The following VWF variants were observed in gnomAD, a reference collection of about 807,000 sequenced individuals.
VWF encodes the protein Factor VIII related antigen.
A neutral mutation model predicts 308.6 loss-of-function variants in VWF; 176 were observed. The ratio of observed to expected loss-of-function variants is 0.57; its 90% CI spans 0.50 to 0.65. VWF has a LOEUF of 0.65. VWF is among the 30% of genes least tolerant of loss of function. The pLI, the probability that VWF is intolerant of heterozygous loss-of-function variation, is 0.00. For synonymous variants in VWF, 1,385 were observed against 1,443.4 expected (o/e 0.96, Z 0.92); for missense variants, 3,146 against 3,648.2 (o/e 0.86, Z 3.55).
rs748622872 is a variant in VWF, at chr12:5,967,489, G to C, written c.7884C>G (p.Pro2628=). The change falls in exon 47 of 52, where the codon CCC becomes CCG. Residue 2628 remains proline (P), a synonymous_variant. Coordinates refer to ENST00000261405, the MANE Select transcript of VWF (RefSeq NM_000552.5). ...GTCCCCATTGAGCCTCTCTTACCAG[G>C]GGGCAGGGGTTGCAGGTGGTCTTCC... is the stretch of plus-strand genomic sequence containing the variant. ...ECRKTTCNPC[P]LGYKEENNTG... The C allele has an allele frequency of 5.6e-6, 9 of 1,614,066 alleles. No individual in the cohort carries two copies. In the East Asian group the frequency reaches 2.0e-4, roughly 36 times the overall value.
rs56714638 is a variant in VWF, at chr12:6,113,297, CTT to C, written c.221-2331_221-2330del. ...CTGGAAAAGTGATTGCGTAGAGAAA[CTT>C]TTTTTTTTTTTTTTTTGAGACAGAG... On this transcript the variant is annotated intron_variant, in intron 3 of 51. Transcript: ENST00000261405. 5.6e-3 allele frequency among the ~76,000 whole-genome samples: 783 copies of C among 138,696 alleles called. 5 individuals carry two copies. The highest frequency in any genetic ancestry group is 0.019 in the African/African-American group (718 of 37,270). The allele number at this position is 138,696 out of a possible 152,430, so 91.0% of individuals were successfully genotyped here. A position where few individuals can be genotyped will look rare whatever the true frequency, so the allele number is the denominator to read the frequency against.
intron 43 of VWF, among the ~76,000 whole-genome samples, chr12:5,974,349 G>A (rs545963935): frequency 7.2e-5 from 11 of 152,172 alleles, no homozygotes; most frequent in Admixed American, 2.6e-4. Context: ...CAGGGCACTC[G>A]ATTCCCTAGA....
At chr12:6,043,852 G>A (rs941756503) in intron 18 of VWF, among the ~76,000 whole-genome samples, 31 of 152,182 alleles carry the variant, frequency 2.0e-4, no homozygotes, top group Non-Finnish European at 8.8e-5. Context: ...GACACGGCAG[G>A]GCCATCAATG....
At chr12:5,971,811 G>A in intron 43 of VWF, 102 bp from the exon 44 acceptor site, 1 of 1,028,468 alleles carries the variant, frequency 9.7e-7, no homozygotes, top group African/African-American at 1.6e-5. Flanking sequence ...TGTGCCAAGT[G>A]ATCACTGGTC....
At chr12:6,076,501 G>A (rs911698173) in intron 6 of VWF, among the ~76,000 whole-genome samples, 3 of 152,180 alleles carry the variant, frequency 2.0e-5, no homozygotes, top group African/African-American at 4.8e-5. Context: ...ACAACACAGA[G>A]TCATGGATAT....
In VWF at chr12:5,993,914, G is replaced by T. The variant is rs1943775012; in HGVS notation, c.6546C>A (p.His2182Gln). 1.2e-6 allele frequency: 2 copies of T among 1,613,998 alleles called. No individual in the cohort carries two copies. The highest frequency in any genetic ancestry group is 4.5e-5 in the East Asian group (2 of 44,874). ...CGCAGACCCCGTTGGTCCGACAGAGGTGGGCATAAGAGGCGATCACCTCAC... is the reference window on the plus strand; with the variant it reads ...CGCAGACCCCGTTGGTCCGACAGAGTTGGGCATAAGAGGCGATCACCTCAC... ...QVCEVIASYA[H>Q]LCRTNGVCVD... The change falls in exon 37 of 52, where the codon CAC becomes CAA. Residue 2182 changes from histidine (H) to glutamine (Q), a missense_variant. Physicochemically the swap from His to Gln is conservative, Grantham distance 24 (BLOSUM62 0). Coordinates refer to ENST00000261405, the MANE Select transcript of VWF (RefSeq NM_000552.5).
Position 6,057,885 on chromosome 12 carries a change from G to C in VWF, c.1693C>G (p.Gln565Glu), listed in dbSNP as rs750364485. The part of the protein sequence containing the change: ...LHGDCQDLQK[Q>E]HSDPCALNPR... ...TTGAGGGCGCAGGGATCGCTGTGCT[G>C]CTTCTGCAGGTCCTGGCAGTCCCCG... The change falls in exon 14 of 52, where the codon CAG becomes GAG. Residue 565 changes from glutamine to glutamate, a missense_variant. By Grantham distance (29) the Gln-to-Glu change is conservative. This residue lies in a region of VWF where 1,304 missense variants were observed against 1,353.0 expected (regional missense o/e 0.96). Transcript: ENST00000261405. 1 of 1,611,786 alleles carries C rather than the reference G, an allele frequency of 6.2e-7. No individual in the cohort carries two copies. Among genetic ancestry groups the C allele is most frequent in the Non-Finnish European group, 8.5e-7 (1 of 1,178,850 alleles).
intron 3 of VWF, among the ~76,000 whole-genome samples, chr12:6,114,051 A>G (rs1177716728): frequency 6.6e-6 from 1 of 152,138 alleles, no homozygotes; most frequent in African/African-American, 2.4e-5. Flanking sequence ...ATCCCATCTC[A>G]CAGGGAGTTC....
At chr12:5,965,996 T>A (rs1943397631) in intron 47 of VWF, among the ~76,000 whole-genome samples, 1 of 152,170 alleles carries the variant, frequency 6.6e-6, no homozygotes. Flanking sequence ...CATCTGAGAC[T>A]GGATTCTAAA....
intron 16 of VWF, among the ~76,000 whole-genome samples, chr12:6,050,633 G>A (rs1328354892): frequency 6.6e-6 from 1 of 152,184 alleles, no homozygotes; most frequent in Non-Finnish European, 1.5e-5. Context: ...TACACCTTGT[G>A]CGTTTAGTCC....
In VWF at chr12:6,016,484, C is replaced by G. The variant is rs1234784288; in HGVS notation, c.5311+32G>C. The G allele has an allele frequency of 6.2e-6, 10 of 1,606,972 alleles. No individual in the cohort carries two copies. The South Asian group carries it at 1.1e-4, about 18-fold the overall frequency. On this transcript the variant is annotated intron_variant, in intron 30 of 51. Coordinates refer to ENST00000261405, the MANE Select transcript of VWF (RefSeq NM_000552.5). ...GCCAAAAATAAGAACCAGAATGCAG[C>G]TTCTGCATCCAGCCTGTGGCACCAA...
intron 6 of VWF, among the ~76,000 whole-genome samples, chr12:6,078,499 G>T (rs2238104): frequency 0.35 from 52,882 of 152,110 alleles, 10,816 homozygotes; most frequent in Non-Finnish European, 0.46. Context: ...GCAGATGAGG[G>T]TGTCCCAGAG....
At chr12:6,033,053 C>A (rs1477678596) in intron 20 of VWF, among the ~76,000 whole-genome samples, 1 of 152,202 alleles carries the variant, frequency 6.6e-6, no homozygotes, top group Non-Finnish European at 1.5e-5. Flanking sequence ...CACACATGCA[C>A]ACATACATGC....
At chr12:6,067,479 ATT>A (rs919053123) in intron 10 of VWF, among the ~76,000 whole-genome samples, 2 of 152,168 alleles carry the variant, frequency 1.3e-5, no homozygotes, top group African/African-American at 2.4e-5. Flanking sequence ...GTCTCATCTG[ATT>A]TCCTTCTCTG....
chr12:5,986,986 G>A (rs374917136), intron 38 of VWF, among the ~76,000 whole-genome samples: 20 of 152,194 alleles, frequency 1.3e-4, no homozygotes, highest in African/African-American at 4.8e-4. Context: ...GCAGTGCAGT[G>A]GCATGATCTC....
chr12:6,117,595 C>T (rs1565396042), intron 3 of VWF, among the ~76,000 whole-genome samples: 2 of 152,210 alleles, frequency 1.3e-5, no homozygotes, highest in South Asian at 2.1e-4. Context: ...GCGGGCGGAT[C>T]ACCTGAGGTC....
At chr12:6,038,981 T>C (rs377623970) in intron 18 of VWF, among the ~76,000 whole-genome samples, 1 of 152,090 alleles carries the variant, frequency 6.6e-6, no homozygotes, top group South Asian at 2.1e-4. Flanking sequence ...TGGAGGTAGA[T>C]AGGCCTGGAA....
In VWF at chr12:5,996,009, T is replaced by TCACTGTGCAGCTCGACGGAGAGGG; in HGVS notation, c.6032_6055dup (p.Ala2011_Ser2018dup). On this transcript the variant is annotated inframe_insertion, in exon 35 of 52. Coordinates refer to ENST00000261405, the MANE Select transcript of VWF (RefSeq NM_000552.5). Reference sequence around the variant, plus strand: ...ACAGAAAGTACTTCTCACCTCCATGTCACTGTGCAGCTCGACGGAGAGGGC... The same window carrying TCACTGTGCAGCTCGACGGAGAGGG: ...ACAGAAAGTACTTCTCACCTCCATGTCACTGTGCAGCTCGACGGAGAGGGCACTGTGCAGCTCGACGGAGAGGGC... 3.1e-6 allele frequency: 5 copies of TCACTGTGCAGCTCGACGGAGAGGG among 1,612,694 alleles called. No individual in the cohort carries two copies. The highest frequency in any genetic ancestry group is 4.2e-6 in the Non-Finnish European group (5 of 1,179,954).
rs962376856 is a variant in VWF at position 6,063,614 on chromosome 12, C to T, written c.1433-560G>A. On this transcript the variant is annotated intron_variant, in intron 12 of 51. Coordinates refer to ENST00000261405, the MANE Select transcript of VWF (RefSeq NM_000552.5). The surrounding 1 kb of genome is among the most constrained non-coding windows in gnomAD (Gnocchi z 4.9). ...GGGTACCCACTAGCCCAAGTTCATC[C>T]GCTGTGTGCAATGCTAGGATAATGG... 4.6e-5 allele frequency among the ~76,000 whole-genome samples: 7 copies of T among 152,142 alleles called. No individual in the cohort carries two copies. Among genetic ancestry groups the T allele is most frequent in the South Asian group, 2.1e-4 (1 of 4,814 alleles).
Sources: allele counts gnomAD v4.1 joint callset (sites outside exome capture counted in the v4.1 genomes callset), GRCh38; gene constraint gnomAD v4.1.1; regional missense constraint gnomAD v4.1.1; non-coding constraint Gnocchi (gnomAD v3.1); transcripts MANE v1.5; gene names NCBI Gene and HGNC (gene_info 2026-07-23, HGNC 2026-07-21).